TSKU: variants seen among roughly 807,000 people sequenced by gnomAD.
TSKU encodes the protein tsukushi.
In TSKU, 4 loss-of-function variants were observed where a neutral mutation model predicts 11.2. That is an observed-to-expected ratio of 0.36 (90% CI 0.18 to 0.82). The LOEUF (loss-of-function observed/expected upper bound fraction) is 0.82, where lower values mean the gene tolerates loss of function less well. Ranked by LOEUF, TSKU falls within the 40% of genes least tolerant of loss-of-function variation. TSKU has a pLI of 0.50. For synonymous variants in TSKU, 220 were observed against 232.2 expected (o/e 0.95, Z 0.48); for missense variants, 407 against 482.5 (o/e 0.84, Z 1.47).
rs759131346 is a variant in TSKU at position 76,796,393 on chromosome 11, G to A, written c.777G>A (p.Leu259=). 21 of 1,613,454 alleles carry A rather than the reference G, an allele frequency of 1.3e-5. No homozygotes were observed. The South Asian group carries it at 2.3e-4, about 18-fold the overall frequency. ...GFRELPGLQV[L]DLSGNPKLNW... ...GTGAGCTACCGGGCCTGCAGGTCCTGGACCTGTCGGGCAACCCCAAGCTTA... is the reference window on the plus strand; with the variant it reads ...GTGAGCTACCGGGCCTGCAGGTCCTAGACCTGTCGGGCAACCCCAAGCTTA... Residue 259 remains leucine (L), a synonymous_variant, in exon 2 of 2, where the codon CTG becomes CTA. Transcript: ENST00000333090. The surrounding 1 kb of genome is among the most constrained non-coding windows in gnomAD (Gnocchi z 4.1).
Position 76,787,447 on chromosome 11 carries a change from G to C in TSKU, c.-9+4043G>C, listed in dbSNP as rs79208199. 8.8e-3 allele frequency among the ~76,000 whole-genome samples: 1,342 copies of C among 152,262 alleles called. 22 individuals carry two copies. Among genetic ancestry groups the C allele is most frequent in the African/African-American group, 0.03 (1,246 of 41,530 alleles). On this transcript the variant is annotated intron_variant, in intron 1 of 1. Coordinates refer to ENST00000333090, the MANE Select transcript of TSKU (RefSeq NM_015516.4). The stretch of plus-strand genomic sequence containing the variant: ...GGATGTCAGAATACCTGGGTCCTGG[G>C]TCCAGCCCCTGTCCTCTCTGGCTGT...
intron 1 of TSKU, among the ~76,000 whole-genome samples, chr11:76,789,742 C>T (rs1233597388): frequency 6.6e-6 from 1 of 152,234 alleles, no homozygotes; most frequent in East Asian, 1.9e-4. Flanking sequence ...AGATCCCTTT[C>T]TCCCTCAGCC....
rs996291465 is a variant in TSKU at position 76,783,407 on chromosome 11, G to A, written c.-9+3G>A. 7 of 152,168 alleles carry A rather than the reference G, an allele frequency of 4.6e-5. No homozygotes were observed. Among genetic ancestry groups the A allele is most frequent in the African/African-American group, 1.7e-4 (7 of 41,554 alleles). 9.4% of individuals were successfully genotyped at this position (152,168 alleles called of 1,614,324 possible). On this transcript the variant is annotated splice_donor_region_variant and intron_variant, in intron 1 of 1. Transcript: ENST00000333090. ...GCGGCTGTGGCGCAGGCTTCCAGGT[G>A]AGTGCAGTTCCCCGGGCGGGGCGAG...
intron 1 of TSKU, among the ~76,000 whole-genome samples, chr11:76,784,533 G>A: frequency 6.6e-6 from 1 of 152,240 alleles, no homozygotes; most frequent in East Asian, 1.9e-4. Context: ...TCGCGGAGTC[G>A]CGGTCACTCT....
chr11:76,789,804 G>A (rs986283467), intron 1 of TSKU, among the ~76,000 whole-genome samples: 6 of 152,134 alleles, frequency 3.9e-5, no homozygotes, highest in Non-Finnish European at 5.9e-5. Flanking sequence ...GGTAGAGTAC[G>A]GGTCCCAGAG....
chr11:76,794,321 G>A (rs148051455), intron 1 of TSKU, among the ~76,000 whole-genome samples: 164 of 152,334 alleles, frequency 1.1e-3, no homozygotes, highest in African/African-American at 3.6e-3. Flanking sequence ...GTGACAACAC[G>A]TATGTAGCAC....
chr11:76,787,496 C>T (rs555379108), intron 1 of TSKU, among the ~76,000 whole-genome samples: 1 of 152,160 alleles, frequency 6.6e-6, no homozygotes, highest in Non-Finnish European at 1.5e-5. Flanking sequence ...GATCACAGAA[C>T]CTCTCTGGAC....
At chr11:76,783,004 C>G (rs1292640147), upstream of TSKU, 1 of 152,382 alleles carries the variant, frequency 6.6e-6, no homozygotes, top group Non-Finnish European at 1.5e-5. Flanking sequence ...GGCACGTACT[C>G]CGGCGACCTC....
At chr11:76,789,296 G>T (rs1944341819) in intron 1 of TSKU, among the ~76,000 whole-genome samples, 2 of 152,232 alleles carry the variant, frequency 1.3e-5, no homozygotes, top group Non-Finnish European at 2.9e-5. Context: ...GGTGGGAGGG[G>T]AGAAGAAGGT....
rs954509091 is a variant in TSKU at position 76,796,177 on chromosome 11, G to A, written c.561G>A (p.Gln187=). The part of the protein sequence containing the change: ...TRAGLPAPTI[Q]SLNLAWNRLH... ...CCGGCCTGCCTGCGCCCACCATTCA[G>A]AGCCTGAACCTGGCCTGGAACCGGC... The change falls in exon 2 of 2, where the codon CAG becomes CAA. Residue 187 remains glutamine, a synonymous_variant. Coordinates refer to ENST00000333090, the MANE Select transcript of TSKU (RefSeq NM_015516.4). The surrounding 1 kb of genome is among the most constrained non-coding windows in gnomAD (Gnocchi z 4.1). 1.2e-6 allele frequency: 2 copies of A among 1,613,608 alleles called. No individual in the cohort carries two copies. The highest frequency in any genetic ancestry group is 8.5e-7 in the Non-Finnish European group (1 of 1,180,000).
At chr11:76,792,384 A>G (rs1389137104) in intron 1 of TSKU, 1 of 152,102 alleles carries the variant, frequency 6.6e-6, no homozygotes, top group Non-Finnish European at 1.5e-5. Flanking sequence ...TGGACTGTGG[A>G]CTTTTGGGTT....
At chr11:76,794,678 C>A (rs976843131) in intron 1 of TSKU, among the ~76,000 whole-genome samples, 25 of 152,208 alleles carry the variant, frequency 1.6e-4, no homozygotes, top group Non-Finnish European at 1.0e-4. Flanking sequence ...CTGCTGGTGG[C>A]AAGGGACAGA....
Position 76,796,382 on chromosome 11 carries a change from C to G in TSKU, c.766C>G (p.Leu256Val). ...CAGTGGCTTCCGTGAGCTACCGGGC[C>G]TGCAGGTCCTGGACCTGTCGGGCAA... ...APSGFRELPG[L>V]QVLDLSGNPK... The change falls in exon 2 of 2, where the codon CTG (leucine) becomes GTG (valine). Residue 256 changes from leucine to valine, a missense_variant. Transcript: ENST00000333090. This position sits in a 1 kb window ranked among gnomAD's most constrained non-coding sequence, Gnocchi z 4.1. 6.2e-7 allele frequency: 1 copy of G among 1,613,400 alleles called. No homozygotes were observed. The highest frequency in any genetic ancestry group is 1.3e-5 in the African/African-American group (1 of 75,056).
chr11:76,796,927 C>T lies in TSKU; in HGVS notation c.*249C>T, dbSNP rs762282720. 3 of 363,850 alleles carry T rather than the reference C, an allele frequency of 8.2e-6. No individual in the cohort carries two copies. The highest frequency in any genetic ancestry group is 4.4e-5 in the Admixed American group (1 of 22,756). The allele number at this position is 363,850 out of a possible 1,614,324, so 22.5% of individuals were successfully genotyped here. A position where few individuals can be genotyped will look rare whatever the true frequency, so the allele number is the denominator to read the frequency against. On this transcript the variant is annotated 3_prime_UTR_variant, in exon 2 of 2. Coordinates refer to ENST00000333090, the MANE Select transcript of TSKU (RefSeq NM_015516.4). This position sits in a 1 kb window ranked among gnomAD's most constrained non-coding sequence, Gnocchi z 4.1. ...AGGGACTTCGATGCCAAACCAGACT[C>T]GGGTCCCCTCCTGCTTCCCTTCCCC...
At chr11:76,785,704 G>A (rs1944304952) in intron 1 of TSKU, among the ~76,000 whole-genome samples, 1 of 152,180 alleles carries the variant, frequency 6.6e-6, no homozygotes, top group Non-Finnish European at 1.5e-5. Context: ...TGAGCCTGTA[G>A]GCAATGGAGA....
At chr11:76,788,676 G>C (rs1944335565) in intron 1 of TSKU, among the ~76,000 whole-genome samples, 1 of 152,176 alleles carries the variant, frequency 6.6e-6, no homozygotes, top group Admixed American at 6.5e-5. Context: ...AGGACCCTCG[G>C]AGCGGGTCCC....
intron 1 of TSKU, chr11:76,791,976 G>A (rs1335641845): frequency 6.5e-6 from 1 of 152,674 alleles, no homozygotes; most frequent in African/African-American, 2.4e-5. Flanking sequence ...CTAGACCGCA[G>A]AATGGCAGAT....
In TSKU at chr11:76,796,569, G is replaced by A. The variant is rs764214522; in HGVS notation, c.953G>A (p.Arg318His). 7.0e-6 allele frequency: 11 copies of A among 1,576,510 alleles called. No individual in the cohort carries two copies. The highest frequency in any genetic ancestry group is 1.8e-5 in the Admixed American group (1 of 55,220). Reference protein sequence around the residue: ...VSVGQDVRCRRLVREGTYPRR... With the variant: ...VSVGQDVRCRHLVREGTYPRR... ...GTGGGCCAGGATGTGCGGTGCCGGCGCCTGGTGCGGGAGGGCACCTACCCC... is the reference window on the plus strand; with the variant it reads ...GTGGGCCAGGATGTGCGGTGCCGGCACCTGGTGCGGGAGGGCACCTACCCC... Residue 318 changes from arginine to histidine, a missense_variant, in exon 2 of 2, where the codon CGC becomes CAC. By Grantham distance (29) the Arg-to-His change is conservative. Transcript: ENST00000333090. This position sits in a 1 kb window ranked among gnomAD's most constrained non-coding sequence, Gnocchi z 4.1.
At chr11:76,795,301 G>A (rs541458933) in intron 1 of TSKU, among the ~76,000 whole-genome samples, 45 of 152,334 alleles carry the variant, frequency 3.0e-4, no homozygotes, top group Admixed American at 6.5e-4. Flanking sequence ...GGCAGAAGTC[G>A]AGGGCTTCAG....
Sources: allele counts gnomAD v4.1 joint callset (sites outside exome capture counted in the v4.1 genomes callset), GRCh38; gene constraint gnomAD v4.1.1; non-coding constraint Gnocchi (gnomAD v3.1); transcripts MANE v1.5; gene names NCBI Gene and HGNC (gene_info 2026-07-23, HGNC 2026-07-21).